TSFM: variants seen among roughly 807,000 people sequenced by gnomAD.
The protein encoded by TSFM is elongation factor Ts, mitochondrial.
A neutral mutation model predicts 33.4 loss-of-function variants in TSFM; 29 were observed. The observed-to-expected ratio is 0.87, with a 90% CI of 0.65 to 1.18. The LOEUF (loss-of-function observed/expected upper bound fraction) is 1.18. Ranked by LOEUF, TSFM falls within the 50% of genes most tolerant of loss-of-function variation. The probability of loss-of-function intolerance (pLI) is 0.00; values close to 1 mark genes in which losing one functional copy is unlikely to be tolerated. For missense variants in TSFM, 394 were observed against 395.6 expected (o/e 1.00, Z 0.04); for synonymous variants, 178 against 163.5 (o/e 1.09, Z -0.68).
chr12:57,783,864 C>T (rs1014614529), intron 2 of TSFM: 30 of 673,616 alleles, frequency 4.5e-5, no homozygotes, highest in African/African-American at 4.1e-4. Flanking sequence ...GATCCGCCCG[C>T]CTCGGCTTCC....
downstream of TSFM, chr12:57,801,054 G>T: frequency 9.2e-7 from 1 of 1,083,608 alleles, no homozygotes; most frequent in Non-Finnish European, 1.4e-6. Context: ...AAGGACATGA[G>T]TTTTGCCTGT....
At chr12:57,799,738 G>GT (rs774702214), downstream of TSFM, 231 of 1,607,956 alleles carry the variant, frequency 1.4e-4, no homozygotes, top group Non-Finnish European at 2.0e-4. Flanking sequence ...GCTGAGCTGA[G>GT]TTTTTTACTC....
At chr12:57,802,683 TAA>T (rs957293920), downstream of TSFM, 3 of 626,870 alleles carry the variant, frequency 4.8e-6, no homozygotes, top group African/African-American at 1.8e-5. Context: ...TCTTCTTTAC[TAA>T]ACTTGTATCT....
intron 2 of TSFM, among the ~76,000 whole-genome samples, chr12:57,785,619 A>G (rs1183827583): frequency 6.6e-6 from 1 of 152,222 alleles, no homozygotes; most frequent in Non-Finnish European, 1.5e-5. Flanking sequence ...ACACTCTAAA[A>G]TAACAATAAA....
At chr12:57,792,420 C>G (rs1335294761) in intron 4 of TSFM, among the ~76,000 whole-genome samples, 2 of 152,198 alleles carry the variant, frequency 1.3e-5, no homozygotes, top group Non-Finnish European at 1.5e-5. Flanking sequence ...TTCTTGATTT[C>G]TAGGAAATTA....
downstream of TSFM, among the ~76,000 whole-genome samples, chr12:57,798,850 C>T (rs1026592174): frequency 1.3e-5 from 2 of 152,062 alleles, no homozygotes; most frequent in South Asian, 2.1e-4. Context: ...CTCCTGACCT[C>T]GTGATCCACC....
At chr12:57,783,326 C>T (rs754064560) in intron 2 of TSFM, 43 bp downstream of exon 2, 4 of 1,611,370 alleles carry the variant, frequency 2.5e-6, no homozygotes, top group South Asian at 1.1e-5. Flanking sequence ...TAGAGCTCGA[C>T]CTCAGACTCT....
At chr12:57,797,963 C>T (rs756806492), downstream of TSFM, 1 of 1,613,162 alleles carries the variant, frequency 6.2e-7, no homozygotes. Context: ...TGATGCCAAA[C>T]ACAGACACAA....
At chr12:57,784,916 C>G (rs1222422179) in intron 2 of TSFM, among the ~76,000 whole-genome samples, 1 of 79,152 alleles carries the variant, frequency 1.3e-5, no homozygotes, top group Non-Finnish European at 2.4e-5. Flanking sequence ...ATTGAAATAT[C>G]TTTTTTTTTT....
chr12:57,799,789 A>G (rs771122857), downstream of TSFM: 1 of 1,613,658 alleles, frequency 6.2e-7, no homozygotes, highest in South Asian at 1.1e-5. Context: ...TCCTTCAGCC[A>G]CTCACCTCCT....
At chr12:57,798,762 AC>A (rs1011960090), downstream of TSFM, among the ~76,000 whole-genome samples, 86 of 151,748 alleles carry the variant, frequency 5.7e-4, no homozygotes, top group African/African-American at 2.0e-3. Flanking sequence ...GACTACAGGC[AC>A]CCACCACCAC....
At chr12:57,795,010 C>T (rs1015825189) in intron 5 of TSFM, among the ~76,000 whole-genome samples, 4 of 151,308 alleles carry the variant, frequency 2.6e-5, no homozygotes, top group Admixed American at 6.6e-5. Context: ...CCGCCCACCT[C>T]GGCCTCCCAA....
chr12:57,801,197 CAT>C (rs765367995), downstream of TSFM: 7 of 1,613,272 alleles, frequency 4.3e-6, no homozygotes, highest in Admixed American at 6.7e-5. Context: ...TTTAATTGTT[CAT>C]ATGTTTTTCC....
In TSFM at chr12:57,783,092, C is replaced by T. The variant is rs1955534808; in HGVS notation, c.58-18C>T. 4 of 1,599,830 alleles carry T rather than the reference C, an allele frequency of 2.5e-6. No homozygotes were observed. Among genetic ancestry groups the T allele is most frequent in the South Asian group, 2.2e-5 (2 of 90,256 alleles). On this transcript the variant is annotated intron_variant, in intron 1 of 5. Coordinates refer to ENST00000652027, the MANE Select transcript of TSFM (RefSeq NM_005726.6). Reference sequence around the variant, plus strand: ...GTTTGCTGCTTCCTGCTCCTCATCCCTTTCTTATCTCATCTAGGCTGGGTC... The same window carrying T: ...GTTTGCTGCTTCCTGCTCCTCATCCTTTTCTTATCTCATCTAGGCTGGGTC...
At chr12:57,794,584 T>C (rs764304430) in intron 5 of TSFM, among the ~76,000 whole-genome samples, 1 of 152,200 alleles carries the variant, frequency 6.6e-6, no homozygotes, top group African/African-American at 2.4e-5. Context: ...GTGTCAGTTA[T>C]GGAGTATTCA....
At chr12:57,795,089 G>GTATA (rs1337023744) in intron 5 of TSFM, among the ~76,000 whole-genome samples, 1 of 100,836 alleles carries the variant, frequency 9.9e-6, no homozygotes, top group East Asian at 5.8e-4. Context: ...ATATATATAT[G>GTATA]TATATATATA....
intron 5 of TSFM, among the ~76,000 whole-genome samples, chr12:57,793,485 G>T (rs973905944): frequency 6.6e-6 from 1 of 152,162 alleles, no homozygotes; most frequent in South Asian, 2.1e-4. Flanking sequence ...GCCTCCCAAA[G>T]TGCTGGGATT....
chr12:57,783,430 T>C, intron 2 of TSFM, 147 bp downstream of exon 2: 4 of 1,056,530 alleles, frequency 3.8e-6, no homozygotes, highest in Non-Finnish European at 5.8e-6. Flanking sequence ...AATGACAACC[T>C]TGGCCTTGAC....
chr12:57,793,782 A>G (rs945148563), intron 5 of TSFM, among the ~76,000 whole-genome samples: 1 of 152,218 alleles, frequency 6.6e-6, no homozygotes, highest in African/African-American at 2.4e-5. Flanking sequence ...GTACTTGAGT[A>G]TATGCTGTAG....
Sources: allele counts gnomAD v4.1 joint callset (sites outside exome capture counted in the v4.1 genomes callset), GRCh38; gene constraint gnomAD v4.1.1; transcripts MANE v1.5; gene names NCBI Gene and HGNC (gene_info 2026-07-23, HGNC 2026-07-21).